Variants in XRCC5 observed in about 807,000 individuals in gnomAD.
XRCC5 encodes DNA repair protein Ku80.
Under a neutral mutation model 95.7 loss-of-function variants are expected in XRCC5, and 12 were observed. The ratio of observed to expected loss-of-function variants is 0.13; its 90% CI spans 0.08 to 0.20. The LOEUF is 0.20. Ranked by LOEUF, XRCC5 falls within the 10% of genes least tolerant of loss-of-function variation. The pLI is 1.00. For synonymous variants in XRCC5, 281 were observed against 290.3 expected, an observed-to-expected ratio of 0.97 and a Z score of 0.33; for missense variants, 595 against 873.9, an observed-to-expected ratio of 0.68 and a Z score of 4.02.
chr2:216,205,935 C>CT lies in XRCC5; in HGVS notation c.*734dup. 6.6e-6 allele frequency: 1 copy of CT among 152,202 alleles called. No individual in the cohort carries two copies. The highest frequency in any genetic ancestry group is 1.5e-5 in the Non-Finnish European group (1 of 68,040). The allele number at this position is 152,202 out of a possible 1,614,324, so 9.4% of individuals were successfully genotyped here. A position where few individuals can be genotyped will look rare whatever the true frequency, so the allele number is the denominator to read the frequency against. ...CAGTGAACCTTTAGAAACTCAAAAA[C>CT]TGAGAAATTTACTACAGTAGTTAGA... is the stretch of plus-strand genomic sequence containing the variant. On this transcript the variant is annotated 3_prime_UTR_variant, in exon 21 of 21. Transcript: ENST00000392132.
At chr2:216,161,534 T>C (rs898588985) in intron 15 of XRCC5, among the ~76,000 whole-genome samples, 1 of 152,236 alleles carries the variant, frequency 6.6e-6, no homozygotes, top group Non-Finnish European at 1.5e-5. Flanking sequence ...GTCCCACTAA[T>C]GGGCACTTCG....
intron 13 of XRCC5, among the ~76,000 whole-genome samples, chr2:216,143,812 T>C (rs1697208961): frequency 6.6e-6 from 1 of 151,872 alleles, no homozygotes; most frequent in South Asian, 2.1e-4. Flanking sequence ...GTTCACACCA[T>C]TCTCCTGCCT....
At position 216,141,334 on chromosome 2, in the gene XRCC5, A is replaced by G. The variant is rs1166340116; in HGVS notation, c.1476+15A>G. On this transcript the variant is annotated intron_variant, in intron 13 of 20. Coordinates refer to ENST00000392132, the MANE Select transcript of XRCC5 (RefSeq NM_021141.4). ...GATTATTTCAGGTAAGAGAAGAAGG[A>G]TGAACAAGTCATATTTCTTTTAAAT... The G allele has an allele frequency of 8.7e-6, 14 of 1,613,970 alleles. No homozygotes were observed. The South Asian group carries it at 1.4e-4, about 16-fold the overall frequency.
chr2:216,188,646 G>GC (rs1262613890), intron 16 of XRCC5, among the ~76,000 whole-genome samples: 1 of 152,112 alleles, frequency 6.6e-6, no homozygotes, highest in African/African-American at 2.4e-5. Flanking sequence ...AAAGTACACC[G>GC]CTTTCTGTTA....
At chr2:216,151,383 G>A (rs530136716) in intron 14 of XRCC5, among the ~76,000 whole-genome samples, 1 of 152,166 alleles carries the variant, frequency 6.6e-6, no homozygotes, top group South Asian at 2.1e-4. Context: ...TGATGTATAC[G>A]TGATCTTGAT....
intron 17 of XRCC5, among the ~76,000 whole-genome samples, chr2:216,191,400 A>T (rs1574432441): frequency 6.6e-6 from 1 of 151,292 alleles, no homozygotes; most frequent in African/African-American, 2.4e-5. Context: ...AGAGATTATT[A>T]TTTTTTCTTT....
At chr2:216,122,971 A>G (rs1179945006) in intron 6 of XRCC5, among the ~76,000 whole-genome samples, 1 of 152,244 alleles carries the variant, frequency 6.6e-6, no homozygotes, top group Non-Finnish European at 1.5e-5. Flanking sequence ...CATTTTGAGC[A>G]AAGAACCTAA....
At chr2:216,128,102 T>A (rs1696924544) in intron 8 of XRCC5, 1 of 153,226 alleles carries the variant, frequency 6.5e-6, no homozygotes, top group South Asian at 2.0e-4. Context: ...CTGAAAATTA[T>A]TTGTATTTAT....
intron 2 of XRCC5, among the ~76,000 whole-genome samples, chr2:216,115,572 C>T (rs1282674484): frequency 6.6e-6 from 1 of 152,168 alleles, no homozygotes; most frequent in East Asian, 1.9e-4. Flanking sequence ...ATTAAACAGA[C>T]CCTACAAAAA....
intron 13 of XRCC5, 76 bp downstream of exon 13, chr2:216,141,395 C>G (rs759898108): frequency 1.3e-6 from 2 of 1,540,608 alleles, no homozygotes; most frequent in South Asian, 2.3e-5. Context: ...GGTAATTGGC[C>G]AGTCCTAAAT....
chr2:216,126,687 C>G (rs1404264904), intron 7 of XRCC5, among the ~76,000 whole-genome samples: 1 of 151,942 alleles, frequency 6.6e-6, no homozygotes, highest in East Asian at 1.9e-4. Flanking sequence ...TATACAAAAA[C>G]ATGTTTTTAT....
chr2:216,200,555 A>C (rs1023854806), intron 19 of XRCC5, among the ~76,000 whole-genome samples: 1 of 152,182 alleles, frequency 6.6e-6, no homozygotes, highest in East Asian at 1.9e-4. Flanking sequence ...TGTACAGTAA[A>C]TGCACAGATC....
intron 16 of XRCC5, among the ~76,000 whole-genome samples, chr2:216,170,273 GTGTTT>G (rs1019951674): frequency 1.2e-4 from 19 of 152,002 alleles, no homozygotes; most frequent in African/African-American, 4.4e-4. Flanking sequence ...TTTTCTCCCA[GTGTTT>G]TGTTTTCTCA....
chr2:216,204,635 T>C (rs1405182578), intron 20 of XRCC5, among the ~76,000 whole-genome samples: 1 of 152,182 alleles, frequency 6.6e-6, no homozygotes, highest in African/African-American at 2.4e-5. Context: ...ATTAATCCTC[T>C]CCCTTGAAGG....
chr2:216,191,728 C>T lies in XRCC5; in HGVS notation c.1945-911C>T, dbSNP rs147371897. On this transcript the variant is annotated intron_variant, in intron 17 of 20. Transcript: ENST00000392132. The stretch of plus-strand genomic sequence containing the variant: ...GCCCGGCCAAGGGATATTTTTTGAA[C>T]TGTAAAAAGATTAAGTTTTATGGAA... 3.7e-4 allele frequency among the ~76,000 whole-genome samples: 57 copies of T among 152,124 alleles called. 1 individual carries two copies. The highest frequency in any genetic ancestry group is 1.3e-3 in the African/African-American group (52 of 41,500).
intron 16 of XRCC5, chr2:216,175,278 C>T (rs1283217639): frequency 4.6e-6 from 2 of 430,734 alleles, no homozygotes; most frequent in African/African-American, 2.1e-5. Flanking sequence ...CTGCTGCCAC[C>T]ACCTCTACTT....
At chr2:216,198,387 T>C (rs1352164880) in intron 19 of XRCC5, among the ~76,000 whole-genome samples, 1 of 152,192 alleles carries the variant, frequency 6.6e-6, no homozygotes, top group East Asian at 1.9e-4. Context: ...TATCTGTCAG[T>C]TCTCATTAGT....
intron 19 of XRCC5, among the ~76,000 whole-genome samples, chr2:216,196,294 G>T (rs982709452): frequency 6.6e-6 from 1 of 151,976 alleles, no homozygotes; most frequent in Non-Finnish European, 1.5e-5. Flanking sequence ...ACTGTAAGAT[G>T]GTGATTATAT....
chr2:216,193,783 T>C (rs1344209021), intron 18 of XRCC5, among the ~76,000 whole-genome samples: 1 of 152,232 alleles, frequency 6.6e-6, no homozygotes, highest in Non-Finnish European at 1.5e-5. Context: ...ACTGAGAGAA[T>C]ACAGATGACC....
Sources: gnomAD v4.1 joint callset for allele counts (sites outside exome capture counted in the v4.1 genomes callset) on GRCh38, gnomAD v4.1.1 for gene constraint, MANE v1.5 for transcripts, NCBI Gene and HGNC (gene_info 2026-07-23, HGNC 2026-07-21) for gene names.